Variants in COPS6 observed in about 807,000 individuals in gnomAD.
The protein encoded by COPS6 is COP9 signalosome complex subunit 6.
COPS6 carries 9 observed loss-of-function variants against 41.0 expected under a neutral mutation model. That is an observed-to-expected ratio of 0.22 (90% confidence interval 0.13 to 0.38). COPS6 has a LOEUF of 0.38. Among genes scored for constraint, COPS6 ranks in the 10% least tolerant of loss-of-function variants. The pLI is 1.00. For synonymous variants in COPS6, 179 were observed against 162.9 expected, an observed-to-expected ratio of 1.10 and a Z score of -0.75; for missense variants, 302 against 436.7, an observed-to-expected ratio of 0.69 and a Z score of 2.75.
At position 100,089,011 on chromosome 7, in the gene COPS6, G is replaced by GGCT. The variant is rs1194792803; in HGVS notation, c.24_26dup (p.Ala10dup). On this transcript the variant is annotated inframe_insertion, in exon 1 of 10. Transcript: ENST00000303904. ...GGAAAATGGCGGCGGCGGCGGCGGC[G>GGCT]GCTGCAGCTACGAACGGGACCGGAG... 2 of 1,311,326 alleles carry GGCT rather than the reference G, an allele frequency of 1.5e-6. No homozygotes were observed. Among genetic ancestry groups the GGCT allele is most frequent in the Non-Finnish European group, 1.9e-6 (2 of 1,027,174 alleles). 81.2% of individuals were successfully genotyped at this position (1,311,326 alleles called of 1,614,324 possible). A position where few individuals can be genotyped will look rare whatever the true frequency, so the allele number is the denominator to read the frequency against.
intron 2 of COPS6, 96 bp from the exon 3 acceptor site, chr7:100,089,519 C>G: frequency 1.2e-6 from 2 of 1,600,814 alleles, no homozygotes; most frequent in South Asian, 2.2e-5. Flanking sequence ...TCCCCCAAAT[C>G]ATCGTTTCCC....
intron 3 of COPS6, chr7:100,090,134 G>T: frequency 4.1e-6 from 2 of 489,902 alleles, no homozygotes; most frequent in East Asian, 3.8e-5. Flanking sequence ...TGGATCATGA[G>T]GTCAGGAGTT....
chr7:100,089,850 G>A (rs1224600121), intron 3 of COPS6, 104 bp downstream of exon 3: 2 of 1,103,898 alleles, frequency 1.8e-6, no homozygotes, highest in Non-Finnish European at 2.6e-6. Context: ...AGGAGACCAA[G>A]AACAGGGGAG....
intron 1 of COPS6, 26 bp from the exon 2 acceptor site, chr7:100,089,264 C>T: frequency 1.2e-6 from 2 of 1,606,724 alleles, no homozygotes; most frequent in African/African-American, 1.3e-5. Context: ...GGACTCTCAC[C>T]CTCTCTCCTT....
chr7:100,089,375 C>A lies in COPS6; in HGVS notation c.162C>A (p.His54Gln), dbSNP rs997586354. The change falls in exon 2 of 10, where the codon CAC (histidine) becomes CAA (glutamine). Residue 54 changes from histidine to glutamine, a missense_variant. By Grantham distance (24) the His-to-Gln change is conservative. This residue lies in a region of COPS6 where 76 missense variants were observed against 97.9 expected (regional missense o/e 0.78). Transcript: ENST00000303904. Reference protein sequence around the residue: ...HPLVILNISDHWIRMRSQEGR... With the variant: ...HPLVILNISDQWIRMRSQEGR... ...TTGTCATTCTCAACATCTCAGACCA[C>A]TGGATCCGCATGCGCTCCCAGGAGG... 1.2e-6 allele frequency: 2 copies of A among 1,614,030 alleles called. No homozygotes were observed. Among genetic ancestry groups the A allele is most frequent in the African/African-American group, 2.7e-5 (2 of 74,910 alleles).
At position 100,090,392 on chromosome 7, in the gene COPS6, C is replaced by G. The variant is rs201795640; in HGVS notation, c.335-7C>G. 1.2e-6 allele frequency: 2 copies of G among 1,608,506 alleles called. No individual in the cohort carries two copies. Among genetic ancestry groups the G allele is most frequent in the African/African-American group, 2.7e-5 (2 of 74,896 alleles). On this transcript the variant is annotated splice_region_variant and splice_polypyrimidine_tract_variant and intron_variant, in intron 3 of 9. Coordinates refer to ENST00000303904, the MANE Select transcript of COPS6 (RefSeq NM_006833.5). Reference sequence around the variant, plus strand: ...ATTACTATATGTTCTGGCCCCTTCCCCTCTAGTTAAACAGGTGTTCAAGGA... The same window carrying G: ...ATTACTATATGTTCTGGCCCCTTCCGCTCTAGTTAAACAGGTGTTCAAGGA...
chr7:100,089,477 T>C (rs2116535063), intron 2 of COPS6, 62 bp downstream of exon 2: 1 of 1,609,910 alleles, frequency 6.2e-7, no homozygotes, highest in Non-Finnish European at 8.5e-7. Context: ...GCAGTGGTCT[T>C]TTCCCCTTCC....
At chr7:100,090,747 C>A (rs1305692857) in intron 5 of COPS6, 93 bp downstream of exon 5, 16 of 1,446,768 alleles carry the variant, frequency 1.1e-5, no homozygotes, top group Non-Finnish European at 1.6e-5. Flanking sequence ...ATGCCACTTA[C>A]CAGCTGTGAC....
At position 100,091,408 on chromosome 7, in the gene COPS6, T is replaced by C. The variant is rs754726691; in HGVS notation, c.743-12T>C. 2 of 1,613,836 alleles carry C rather than the reference T, an allele frequency of 1.2e-6. No individual in the cohort carries two copies. The highest frequency in any genetic ancestry group is 1.7e-6 in the Non-Finnish European group (2 of 1,179,706). On this transcript the variant is annotated splice_polypyrimidine_tract_variant and intron_variant, in intron 8 of 9. Coordinates refer to ENST00000303904, the MANE Select transcript of COPS6 (RefSeq NM_006833.5). The surrounding 1 kb of genome is among the most constrained non-coding windows in gnomAD (Gnocchi z 4.1). ...GCATCCAAACTAATGTAGTCTCTTT[T>C]TGTGCCTTTAGGAGAGGTCCCCTTT...
rs1795313733 is a variant in COPS6, at chr7:100,091,354, T to C, written c.742+24T>C. ...GGGTAGGACAGGGGCTTCCCTGGCA[T>C]TCTTCCTCTCCCTCCTGGGGAAGTG... On this transcript the variant is annotated intron_variant, in intron 8 of 9. Coordinates refer to ENST00000303904, the MANE Select transcript of COPS6 (RefSeq NM_006833.5). The surrounding 1 kb of genome is among the most constrained non-coding windows in gnomAD (Gnocchi z 4.1). 1 of 1,613,718 alleles carries C rather than the reference T, an allele frequency of 6.2e-7. No homozygotes were observed. The highest frequency in any genetic ancestry group is 1.7e-5 in the Admixed American group (1 of 60,006).
chr7:100,091,832 TC>T lies in COPS6; in HGVS notation c.*46del. The T allele has an allele frequency of 6.8e-6, 11 of 1,612,910 alleles. No homozygotes were observed. The highest frequency in any genetic ancestry group is 9.3e-6 in the Non-Finnish European group (11 of 1,179,028). On this transcript the variant is annotated 3_prime_UTR_variant, in exon 10 of 10. Coordinates refer to ENST00000303904, the MANE Select transcript of COPS6 (RefSeq NM_006833.5). This position sits in a 1 kb window ranked among gnomAD's most constrained non-coding sequence, Gnocchi z 4.1. ...CTGATGGACAGGGGTCAGGCAACTA[TC>T]CCAAAGGGGAGGGCACTACACTTCC...
chr7:100,089,504 C>T (rs1795282435), intron 2 of COPS6, 89 bp downstream of exon 2: 3 of 1,600,542 alleles, frequency 1.9e-6, no homozygotes, highest in African/African-American at 1.3e-5. Flanking sequence ...GGAGCCAATT[C>T]CCCCTCCCCC....
intron 4 of COPS6, 34 bp from the exon 5 acceptor site, chr7:100,090,558 C>T (rs771713572): frequency 6.2e-7 from 1 of 1,611,864 alleles, no homozygotes; most frequent in African/African-American, 1.3e-5. Context: ...AGGTAGGGGG[C>T]ACTGACTTCC....
At position 100,089,294 on chromosome 7, in the gene COPS6, C is replaced by T; in HGVS notation, c.81C>T (p.Val27=). 6.2e-7 allele frequency: 1 copy of T among 1,613,962 alleles called. No homozygotes were observed. ...CTCCTTTCCCTCCACCCTTAGTAGT[C>T]CCCAGCGTGATGGCCTGCGGAGTGA... ...SSGMEVDAAV[V]PSVMACGVTG... Residue 27 remains valine, a synonymous_variant, in exon 2 of 10, where the codon GTC becomes GTT. Coordinates refer to ENST00000303904, the MANE Select transcript of COPS6 (RefSeq NM_006833.5).
Position 100,091,854 on chromosome 7 carries a change from C to T in COPS6, c.*65C>T. On this transcript the variant is annotated 3_prime_UTR_variant, in exon 10 of 10. Coordinates refer to ENST00000303904, the MANE Select transcript of COPS6 (RefSeq NM_006833.5). This position sits in a 1 kb window ranked among gnomAD's most constrained non-coding sequence, Gnocchi z 4.1. ...CTATCCCAAAGGGGAGGGCACTACA[C>T]TTCCTTGAGAGAAACCGCTGTCATT... 6.2e-7 allele frequency: 1 copy of T among 1,600,088 alleles called. No individual in the cohort carries two copies. Among genetic ancestry groups the T allele is most frequent in the Non-Finnish European group, 8.5e-7 (1 of 1,169,598 alleles).
Position 100,091,751 on chromosome 7 carries a change from C to A in COPS6, c.946C>A (p.Gln316Lys). The change falls in exon 10 of 10, where the codon CAA becomes AAA. Residue 316 changes from glutamine to lysine, a missense_variant. By Grantham distance (53) the Gln-to-Lys change is moderately conservative. Coordinates refer to ENST00000303904, the MANE Select transcript of COPS6 (RefSeq NM_006833.5). The surrounding 1 kb of genome is among the most constrained non-coding windows in gnomAD (Gnocchi z 4.1). Reference protein sequence around the residue: ...VNKFNVLYDRQGIGRRMRGLF... With the variant: ...VNKFNVLYDRKGIGRRMRGLF... Reference sequence around the variant, plus strand: ...CAAGTTCAATGTCCTCTACGACCGACAAGGCATCGGCAGGAGAATGCGCGG... The same window carrying A: ...CAAGTTCAATGTCCTCTACGACCGAAAAGGCATCGGCAGGAGAATGCGCGG... The A allele has an allele frequency of 6.2e-7, 1 of 1,614,214 alleles. No individual in the cohort carries two copies. The highest frequency in any genetic ancestry group is 8.5e-7 in the Non-Finnish European group (1 of 1,180,046).
intron 6 of COPS6, 41 bp downstream of exon 6, chr7:100,090,990 C>T (rs1795308072): frequency 6.2e-7 from 1 of 1,613,832 alleles, no homozygotes. Context: ...TGCTCTTGGC[C>T]TCTTTCCTGC....
chr7:100,091,825 G>T lies in COPS6; in HGVS notation c.*36G>T. 1 of 1,613,612 alleles carries T rather than the reference G, an allele frequency of 6.2e-7. No individual in the cohort carries two copies. The highest frequency in any genetic ancestry group is 1.1e-5 in the South Asian group (1 of 91,068). ...TGAAGGGCTGATGGACAGGGGTCAG[G>T]CAACTATCCCAAAGGGGAGGGCACT... On this transcript the variant is annotated 3_prime_UTR_variant, in exon 10 of 10. Coordinates refer to ENST00000303904, the MANE Select transcript of COPS6 (RefSeq NM_006833.5). This position sits in a 1 kb window ranked among gnomAD's most constrained non-coding sequence, Gnocchi z 4.1.
chr7:100,089,590 T>C, intron 2 of COPS6, 25 bp from the exon 3 acceptor site: 1 of 1,608,598 alleles, frequency 6.2e-7, no homozygotes, highest in Non-Finnish European at 8.5e-7. Flanking sequence ...TACCCTCACC[T>C]TTTCCATGTC....
Sources: allele counts gnomAD v4.1 joint callset, GRCh38; gene constraint gnomAD v4.1.1; regional missense constraint gnomAD v4.1.1; non-coding constraint Gnocchi (gnomAD v3.1); transcripts MANE v1.5; gene names NCBI Gene and HGNC (gene_info 2026-07-23, HGNC 2026-07-21).